Variants in PGAP4 observed in about 807,000 individuals in gnomAD.
PGAP4 encodes the protein GPI-N-acetylgalactosamine transferase PGAP4.
A neutral mutation model predicts 28.2 loss-of-function variants in PGAP4; 12 were observed. The ratio of observed to expected loss-of-function variants is 0.42; its 90% CI spans 0.27 to 0.69. The LOEUF (loss-of-function observed/expected upper bound fraction) is 0.69. Among genes scored for constraint, PGAP4 ranks in the 30% least tolerant of loss-of-function variants. The probability of loss-of-function intolerance (pLI) is 0.22; values close to 1 mark genes in which losing one functional copy is unlikely to be tolerated. For missense variants in PGAP4, 425 were observed against 513.5 expected (o/e 0.83, Z 1.67); for synonymous variants, 205 against 211.8 (o/e 0.97, Z 0.28).
chr9:101,518,109 C>G (rs993690148), intron 2 of PGAP4, among the ~76,000 whole-genome samples: 1 of 152,100 alleles, frequency 6.6e-6, no homozygotes, highest in Non-Finnish European at 1.5e-5. Flanking sequence ...TGTTTAACTT[C>G]CACTTATAAG....
intron 2 of PGAP4, among the ~76,000 whole-genome samples, chr9:101,498,547 C>A: frequency 6.7e-6 from 1 of 150,084 alleles, no homozygotes; most frequent in East Asian, 2.0e-4. Flanking sequence ...AGTGAGATAG[C>A]AGTGAGTTTT....
upstream of PGAP4, among the ~76,000 whole-genome samples, chr9:101,490,513 T>C (rs975827290): frequency 6.6e-6 from 1 of 152,224 alleles, no homozygotes; most frequent in Non-Finnish European, 1.5e-5. Context: ...CTACAAGATT[T>C]AGGTTCTTGG....
intron 2 of PGAP4, among the ~76,000 whole-genome samples, chr9:101,516,901 AACAG>A (rs1826948603): frequency 6.6e-6 from 1 of 152,216 alleles, no homozygotes; most frequent in African/African-American, 2.4e-5. Flanking sequence ...TGACCTGATT[AACAG>A]ATGCACAGTG....
At chr9:101,513,946 G>A (rs1826920483) in intron 2 of PGAP4, among the ~76,000 whole-genome samples, 1 of 152,062 alleles carries the variant, frequency 6.6e-6, no homozygotes, top group African/African-American at 2.4e-5. Flanking sequence ...GAGTTCTGAT[G>A]TCCAAGGGCA....
chr9:101,485,456 A>C (rs1588200719), intron 1 of PGAP4, among the ~76,000 whole-genome samples: 1 of 152,242 alleles, frequency 6.6e-6, no homozygotes, highest in Non-Finnish European at 1.5e-5. Context: ...TACTCGCTAT[A>C]GTGCAACACG....
At chr9:101,529,038 G>A (rs572058574) in intron 2 of PGAP4, among the ~76,000 whole-genome samples, 5 of 151,786 alleles carry the variant, frequency 3.3e-5, no homozygotes, top group South Asian at 4.2e-4. Context: ...AAGTGAGTAC[G>A]TGCGGTTGTC....
chr9:101,478,387 A>T (rs151077368), intron 1 of PGAP4, among the ~76,000 whole-genome samples: 7 of 152,352 alleles, frequency 4.6e-5, no homozygotes, highest in African/African-American at 1.4e-4. Flanking sequence ...GTTGCCTCAG[A>T]CGCATCATAA....
chr9:101,505,951 T>A (rs1826844875), intron 2 of PGAP4, among the ~76,000 whole-genome samples: 1 of 152,132 alleles, frequency 6.6e-6, no homozygotes, highest in Non-Finnish European at 1.5e-5. Context: ...AAATATTGAT[T>A]TTGCAATTTC....
chr9:101,524,672 A>G (rs1827018777), intron 2 of PGAP4, among the ~76,000 whole-genome samples: 1 of 152,136 alleles, frequency 6.6e-6, no homozygotes, highest in Admixed American at 6.5e-5. Flanking sequence ...CTACCCCTGT[A>G]TTTCACTTGG....
chr9:101,492,966 A>G (rs1804399364), intron 2 of PGAP4, among the ~76,000 whole-genome samples: 2 of 152,104 alleles, frequency 1.3e-5, no homozygotes, highest in South Asian at 4.2e-4. Flanking sequence ...AAAAATAGTC[A>G]ACTTAAGGCT....
At chr9:101,488,633 T>A (rs1324876777), upstream of PGAP4, among the ~76,000 whole-genome samples, 2 of 152,210 alleles carry the variant, frequency 1.3e-5, no homozygotes, top group Non-Finnish European at 2.9e-5. Context: ...AAAAATTCAT[T>A]GAGTACCTAT....
chr9:101,490,705 G>A (rs1436429840), upstream of PGAP4, among the ~76,000 whole-genome samples: 3 of 152,182 alleles, frequency 2.0e-5, no homozygotes, highest in Non-Finnish European at 4.4e-5. Context: ...CTATATAGTG[G>A]TGCCTTTCTT....
chr9:101,505,503 T>G (rs1000010521), intron 2 of PGAP4, among the ~76,000 whole-genome samples: 1 of 152,094 alleles, frequency 6.6e-6, no homozygotes, highest in African/African-American at 2.4e-5. Context: ...CCCCTCTCTA[T>G]TCTCCTTTTC....
At chr9:101,491,518 A>T (rs1398733569), upstream of PGAP4, among the ~76,000 whole-genome samples, 1 of 152,056 alleles carries the variant, frequency 6.6e-6, no homozygotes, top group Non-Finnish European at 1.5e-5. Context: ...GGCCCATTAA[A>T]CAAGCACTAC....
At position 101,476,368 on chromosome 9, in the gene PGAP4, T is replaced by G. The variant is rs779880862; in HGVS notation, c.725A>C (p.Tyr242Ser). The G allele has an allele frequency of 6.2e-7, 1 of 1,613,884 alleles. No homozygotes were observed. The highest frequency in any genetic ancestry group is 8.5e-7 in the Non-Finnish European group (1 of 1,179,990). Residue 242 changes from tyrosine to serine, a missense_variant, in exon 2 of 2, where the codon TAT becomes TCT. By Grantham distance (144) the Tyr-to-Ser change is moderately radical (BLOSUM62 -2). Coordinates refer to ENST00000374848, the MANE Select transcript of PGAP4 (RefSeq NM_032342.3). This position sits in a 1 kb window ranked among gnomAD's most constrained non-coding sequence, Gnocchi z 7.0. Reference sequence around the variant, plus strand: ...CCTCTCGGGGTGATACAGCTTGAGATAAAGGGCATCTCTGAGATGTGGCTC... The same window carrying G: ...CCTCTCGGGGTGATACAGCTTGAGAGAAAGGGCATCTCTGAGATGTGGCTC... ...FSEPHLRDAL[Y>S]LKLYHPERLQ... is the part of the protein sequence containing the mutation.
At position 101,476,629 on chromosome 9, in the gene PGAP4, G is replaced by C; in HGVS notation, c.464C>G (p.Ala155Gly). The change falls in exon 2 of 2, where the codon GCC (alanine) becomes GGC (glycine). Residue 155 changes from alanine to glycine, a missense_variant. Transcript: ENST00000374848. This position sits in a 1 kb window ranked among gnomAD's most constrained non-coding sequence, Gnocchi z 7.0. The part of the protein sequence containing the change: ...NVERSVSHFD[A>G]KLLSKYVPVA... ...AGGGACATACTTGGAGAGCAACTTG[G>C]CATCAAAATGGCTCACACTACGCTC... The C allele has an allele frequency of 6.2e-7, 1 of 1,614,200 alleles. No individual in the cohort carries two copies. The highest frequency in any genetic ancestry group is 1.1e-5 in the South Asian group (1 of 91,088).
chr9:101,476,407 C>G lies in PGAP4; in HGVS notation c.686G>C (p.Arg229Pro), dbSNP rs201690177. 6.2e-7 allele frequency: 1 copy of G among 1,613,970 alleles called. No homozygotes were observed. The highest frequency in any genetic ancestry group is 1.3e-5 in the African/African-American group (1 of 74,886). ...GAGATGTGGCTCAGAGAAGCGAGCC[C>G]GCAGAAGGTGCTCCAAGACTGGGAA... is the stretch of plus-strand genomic sequence containing the variant. ...QIFPVLEHLLRARFSEPHLRD... is the reference protein window; with the variant it reads ...QIFPVLEHLLPARFSEPHLRD... Residue 229 changes from arginine (R) to proline (P), a missense_variant, in exon 2 of 2, where the codon CGG becomes CCG. Coordinates refer to ENST00000374848, the MANE Select transcript of PGAP4 (RefSeq NM_032342.3). The surrounding 1 kb of genome is among the most constrained non-coding windows in gnomAD (Gnocchi z 7.0).
At chr9:101,531,969 G>A (rs1031450892) in intron 1 of PGAP4, among the ~76,000 whole-genome samples, 1 of 152,232 alleles carries the variant, frequency 6.6e-6, no homozygotes, top group Non-Finnish European at 1.5e-5. Context: ...AGAGAGCCAC[G>A]CCAAGCGTGG....
intron 2 of PGAP4, among the ~76,000 whole-genome samples, chr9:101,497,483 A>G (rs1360287703): frequency 2.0e-5 from 3 of 151,624 alleles, no homozygotes; most frequent in Non-Finnish European, 4.4e-5. Context: ...AATATTACAC[A>G]AAGGTCATTT....
Sources: allele counts gnomAD v4.1 joint callset (sites outside exome capture counted in the v4.1 genomes callset), GRCh38; gene constraint gnomAD v4.1.1; non-coding constraint Gnocchi (gnomAD v3.1); transcripts MANE v1.5; gene names NCBI Gene and HGNC (gene_info 2026-07-23, HGNC 2026-07-21).